Variants in HDAC9 observed in about 807,000 individuals in gnomAD.
The protein encoded by HDAC9 is histone deacetylase 9.
Under a neutral mutation model 139.4 loss-of-function variants are expected in HDAC9, and 41 were observed. The ratio of observed to expected loss-of-function variants is 0.29; its 90% CI spans 0.23 to 0.38. The LOEUF (loss-of-function observed/expected upper bound fraction) is 0.38, where lower values mean the gene tolerates loss of function less well. HDAC9 is among the 10% of genes least tolerant of loss of function. The pLI is 1.00. For missense variants in HDAC9, 1,147 were observed against 1,297.0 expected, an observed-to-expected ratio of 0.88 and a Z score of 1.78; for synonymous variants, 517 against 476.2, an observed-to-expected ratio of 1.09 and a Z score of -1.12.
intron 2 of HDAC9, among the ~76,000 whole-genome samples, chr7:18,280,557 C>T (rs899974286): frequency 2.0e-5 from 3 of 150,768 alleles, no homozygotes; most frequent in Non-Finnish European, 4.4e-5. Flanking sequence ...CATTGCACTC[C>T]AGCCTGGGTG....
chr7:18,170,630 G>A (rs566987888), intron 2 of HDAC9, among the ~76,000 whole-genome samples: 11 of 152,262 alleles, frequency 7.2e-5, no homozygotes, highest in Admixed American at 3.9e-4. Flanking sequence ...TATATAAGGT[G>A]TAAGGAAGGG....
intron 2 of HDAC9, among the ~76,000 whole-genome samples, chr7:18,213,636 C>A (rs1792102302): frequency 6.6e-6 from 1 of 152,068 alleles, no homozygotes; most frequent in African/African-American, 2.4e-5. Context: ...CCTATTCAGA[C>A]AAAATAGTAA....
chr7:18,093,392 A>G (rs1001230951), intron 1 of HDAC9, among the ~76,000 whole-genome samples: 4 of 152,172 alleles, frequency 2.6e-5, no homozygotes, highest in African/African-American at 9.7e-5. Context: ...ATTGAAGTGG[A>G]TGTCAGTGCT....
chr7:18,622,408 C>T (rs575106725), intron 6 of HDAC9, among the ~76,000 whole-genome samples: 1 of 152,300 alleles, frequency 6.6e-6, no homozygotes, highest in African/African-American at 2.4e-5. Flanking sequence ...ACTGCAACAT[C>T]TGCCTCCCAG....
At chr7:18,729,402 T>C (rs1289381261) in intron 13 of HDAC9, among the ~76,000 whole-genome samples, 1 of 152,170 alleles carries the variant, frequency 6.6e-6, no homozygotes, top group Non-Finnish European at 1.5e-5. Context: ...TGTAATCCTA[T>C]GGATAAAGTT....
chr7:18,933,336 G>A (rs926852770), intron 22 of HDAC9, among the ~76,000 whole-genome samples: 3 of 151,830 alleles, frequency 2.0e-5, no homozygotes, highest in African/African-American at 7.3e-5. Flanking sequence ...TCTAATTTAC[G>A]AGGACTCTAC....
chr7:18,390,047 AACACACACACACACACACACACAC>A (rs60514746), intron 1 of HDAC9, among the ~76,000 whole-genome samples: 1 of 130,432 alleles, frequency 7.7e-6, no homozygotes, highest in African/African-American at 2.8e-5. Context: ...AGAGAAAGAC[AACACACACACACACACACACACAC>A]ACACACACAC....
intron 2 of HDAC9, among the ~76,000 whole-genome samples, chr7:18,525,730 G>A (rs1168824309): frequency 6.6e-6 from 1 of 152,260 alleles, no homozygotes; most frequent in East Asian, 1.9e-4. Flanking sequence ...GTATAGGACT[G>A]TTGCCTGTAC....
chr7:18,451,143 C>T (rs540942188), intron 1 of HDAC9, among the ~76,000 whole-genome samples: 1 of 152,176 alleles, frequency 6.6e-6, no homozygotes, highest in African/African-American at 2.4e-5. Context: ...CGAAACAGGC[C>T]TGAGGGAGCT....
At chr7:18,328,475 AT>A (rs2128644474) in intron 1 of HDAC9, among the ~76,000 whole-genome samples, 1 of 152,118 alleles carries the variant, frequency 6.6e-6, no homozygotes, top group East Asian at 1.9e-4. Context: ...GCACTAAGTA[AT>A]TTAGAATACA....
In HDAC9 at chr7:18,703,802, C is replaced by G. The variant is rs571466211; in HGVS notation, c.1732-23778C>G. 2.0e-5 allele frequency among the ~76,000 whole-genome samples: 3 copies of G among 152,036 alleles called. No homozygotes were observed. In the South Asian group the frequency reaches 6.2e-4, roughly 32 times the overall value. On this transcript the variant is annotated intron_variant, in intron 12 of 25. Coordinates refer to ENST00000686413, the MANE Select transcript of HDAC9 (RefSeq NM_178425.4). ...CAGGGCCCTGGGCAGTGTCACATTC[C>G]TACCTCTTCCTCCAGGCAGAACTAT... is the stretch of plus-strand genomic sequence containing the variant.
intron 2 of HDAC9, among the ~76,000 whole-genome samples, chr7:18,584,606 T>G (rs1449590834): frequency 6.6e-6 from 1 of 152,194 alleles, no homozygotes; most frequent in Non-Finnish European, 1.5e-5. Flanking sequence ...TTTTTCCACC[T>G]TGTTTATTTT....
chr7:18,842,639 CTCTA>C (rs1457741088), intron 21 of HDAC9, among the ~76,000 whole-genome samples: 4 of 152,192 alleles, frequency 2.6e-5, no homozygotes, highest in Admixed American at 1.3e-4. Context: ...AAGCTGTCAG[CTCTA>C]TCTGCTTTTC....
At chr7:18,911,008 G>C (rs187825400) in intron 22 of HDAC9, among the ~76,000 whole-genome samples, 46 of 151,848 alleles carry the variant, frequency 3.0e-4, no homozygotes, top group Non-Finnish European at 4.4e-5. Context: ...TCTTGGAATA[G>C]TTTGAGAAGA....
chr7:18,490,556 A>G (rs899130724), intron 1 of HDAC9, among the ~76,000 whole-genome samples: 3 of 152,008 alleles, frequency 2.0e-5, no homozygotes, highest in Admixed American at 6.6e-5. Flanking sequence ...TCAGAAGACC[A>G]TTTGTTATCT....
chr7:18,408,913 CAA>C (rs1788269219), intron 1 of HDAC9, among the ~76,000 whole-genome samples: 1 of 152,142 alleles, frequency 6.6e-6, no homozygotes, highest in Admixed American at 6.5e-5. Context: ...AAATTTGAAA[CAA>C]GAGCAACCTA....
intron 1 of HDAC9, among the ~76,000 whole-genome samples, chr7:18,368,627 C>T (rs536713308): frequency 3.3e-4 from 50 of 152,134 alleles, no homozygotes; most frequent in African/African-American, 1.1e-3. Flanking sequence ...TATACCTTTT[C>T]CCATCTGCCC....
intron 2 of HDAC9, among the ~76,000 whole-genome samples, chr7:18,535,126 C>T (rs1470027641): frequency 1.3e-5 from 2 of 152,152 alleles, no homozygotes; most frequent in African/African-American, 4.8e-5. Context: ...CACTTTCCAT[C>T]TTCAGCAATT....
intron 2 of HDAC9, among the ~76,000 whole-genome samples, chr7:18,231,977 T>C (rs189084976): frequency 0.047 from 7,097 of 152,288 alleles, 231 homozygotes; most frequent in African/African-American, 0.09. Flanking sequence ...GTTAACATTG[T>C]TGTAATATTA....
Sources: gnomAD v4.1 joint callset for allele counts (sites outside exome capture counted in the v4.1 genomes callset) on GRCh38, gnomAD v4.1.1 for gene constraint, MANE v1.5 for transcripts, NCBI Gene and HGNC (gene_info 2026-07-23, HGNC 2026-07-21) for gene names.